SYT3: variants seen among roughly 807,000 people sequenced by gnomAD.
The protein encoded by SYT3 is synaptotagmin 3, also known as synaptotagmin-3.
A neutral mutation model predicts 50.6 loss-of-function variants in SYT3; 25 were observed. The ratio of observed to expected loss-of-function variants is 0.49; its 90% CI spans 0.36 to 0.69. The LOEUF (loss-of-function observed/expected upper bound fraction) is 0.69, where lower values mean the gene tolerates loss of function less well. Ranked by LOEUF, SYT3 falls within the 30% of genes least tolerant of loss-of-function variation. The probability of loss-of-function intolerance (pLI) is 0.00; values close to 1 mark genes in which losing one functional copy is unlikely to be tolerated. For synonymous variants in SYT3, 323 were observed against 353.9 expected (o/e 0.91, Z 0.98); for missense variants, 589 against 793.6 (o/e 0.74, Z 3.10).
Position 50,625,249 on chromosome 19 carries a change from G to T in SYT3, c.1620C>A (p.Asp540Glu), listed in dbSNP as rs1039630055. The change falls in exon 9 of 11, where the codon GAC becomes GAA. Residue 540 changes from aspartate to glutamate, a missense_variant. Transcript: ENST00000600079. This position sits in a 1 kb window ranked among gnomAD's most constrained non-coding sequence, Gnocchi z 7.5. ...GCTCGCGGCCGTGCGGGTCGGCAGCGTCGGGGCCCACACGGCACACGCCGA... is the reference window on the plus strand; with the variant it reads ...GCTCGCGGCCGTGCGGGTCGGCAGCTTCGGGGCCCACACGGCACACGCCGA... ...EVIGVCRVGP[D>E]AADPHGREHW... 6 of 1,562,706 alleles carry T rather than the reference G, an allele frequency of 3.8e-6. No individual in the cohort carries two copies. The East Asian group carries it at 1.2e-4, about 31-fold the overall frequency.
At chr19:50,626,176 T>G in intron 6 of SYT3, 159 bp from the exon 7 acceptor site, 8 of 1,152,568 alleles carry the variant, frequency 6.9e-6, no homozygotes, top group Non-Finnish European at 8.3e-6. Flanking sequence ...GGCCCAGTAA[T>G]TCCCTGGCCA....
intron 6 of SYT3, among the ~76,000 whole-genome samples, chr19:50,626,623 G>T (rs547683795): frequency 1.4e-5 from 2 of 147,028 alleles, no homozygotes; most frequent in South Asian, 4.5e-4. Flanking sequence ...CCAGAGAGAG[G>T]AGGACAGACC....
chr19:50,634,501 G>A (rs1265093580), intron 3 of SYT3, among the ~76,000 whole-genome samples: 1 of 151,870 alleles, frequency 6.6e-6, no homozygotes, highest in Admixed American at 6.6e-5. Flanking sequence ...AGAGGAAGTG[G>A]CCCTGCAGGG....
At chr19:50,641,433 T>C (rs1005182479), upstream of SYT3, among the ~76,000 whole-genome samples, 1 of 149,424 alleles carries the variant, frequency 6.7e-6, no homozygotes. Flanking sequence ...CCTCCCAAAG[T>C]GCTGGGATTA....
At chr19:50,631,163 CTTTCTT>C (rs1305561266) in intron 4 of SYT3, among the ~76,000 whole-genome samples, 6 of 142,310 alleles carry the variant, frequency 4.2e-5, no homozygotes, top group African/African-American at 5.2e-5. Context: ...TTTTTTCTTT[CTTTCTT>C]TTTTTTTTTT....
At chr19:50,623,596 G>A (rs1983927531) in intron 9 of SYT3, among the ~76,000 whole-genome samples, 1 of 120,692 alleles carries the variant, frequency 8.3e-6, no homozygotes, top group Middle Eastern at 4.9e-3. Context: ...GGACAACATG[G>A]CAAAACCCTG....
the SYT3 span, among the ~76,000 whole-genome samples, chr19:50,647,051 T>G: frequency 1.3e-5 from 2 of 152,026 alleles, no homozygotes; most frequent in Admixed American, 6.6e-5. Flanking sequence ...AGGATGGTCT[T>G]GATCTCCTGA....
chr19:50,649,628 T>TCC, the SYT3 span: 2 of 1,116,692 alleles, frequency 1.8e-6, no homozygotes, highest in Non-Finnish European at 2.6e-6. Flanking sequence ...GTGAAAGCCA[T>TCC]CCCTAGCATT....
the SYT3 span, chr19:50,658,025 G>A: frequency 6.5e-7 from 1 of 1,535,762 alleles, no homozygotes; most frequent in Non-Finnish European, 8.7e-7. Flanking sequence ...GGTGCTGCAA[G>A]CCCTGGAGGC....
At chr19:50,653,184 C>T in the SYT3 span, among the ~76,000 whole-genome samples, 6,726 of 152,030 alleles carry the variant, frequency 0.044, 288 homozygotes, top group African/African-American at 0.11. Flanking sequence ...ACTACAGGTG[C>T]GCGCTACCAT....
At chr19:50,653,678 GA>G in the SYT3 span, among the ~76,000 whole-genome samples, 1 of 130,028 alleles carries the variant, frequency 7.7e-6, no homozygotes, top group African/African-American at 2.9e-5. Context: ...TGTAATGAGA[GA>G]CAGCACACAC....
chr19:50,654,803 A>AT, the SYT3 span, among the ~76,000 whole-genome samples: 8,146 of 151,820 alleles, frequency 0.054, 244 homozygotes, highest in African/African-American at 0.081. Flanking sequence ...ATAATTAAAA[A>AT]TTTTTTTTTG....
At chr19:50,626,426 GAGAGAGGGAGACAGAGACCCAGAA>G (rs1391641810) in intron 6 of SYT3, among the ~76,000 whole-genome samples, 14 of 151,638 alleles carry the variant, frequency 9.2e-5, no homozygotes, top group African/African-American at 3.2e-4. Context: ...GAGAGACCCA[GAGAGAGGGAGACAGAGACCCAGAA>G]AGAGAGGGAG....
intron 9 of SYT3, among the ~76,000 whole-genome samples, chr19:50,624,518 G>C (rs866044266): frequency 3.2e-4 from 48 of 148,974 alleles, no homozygotes; most frequent in Non-Finnish European, 2.2e-4. Flanking sequence ...GGCCATGTTT[G>C]ATTATTTCTC....
In SYT3 at chr19:50,629,497, G is replaced by A. The variant is rs1344575627; in HGVS notation, c.1078C>T (p.Leu360=). Residue 360 remains leucine, a synonymous_variant, in exon 6 of 11, where the codon CTG becomes TTG. Transcript: ENST00000600079. ...AACGTCTCATTGAAGACGGGGTTCA[G>A]GGTCTTCCTGTGCACCTGGTGGTGG... ...KFQTKVHRKT[L]NPVFNETFQF... 6.2e-7 allele frequency: 1 copy of A among 1,613,630 alleles called. No homozygotes were observed. Among genetic ancestry groups the A allele is most frequent in the Non-Finnish European group, 8.5e-7 (1 of 1,179,774 alleles).
Sources: gnomAD v4.1 joint callset for allele counts (sites outside exome capture counted in the v4.1 genomes callset) on GRCh38, gnomAD v4.1.1 for gene constraint, Gnocchi (gnomAD v3.1) non-coding constraint, MANE v1.5 for transcripts, NCBI Gene and HGNC (gene_info 2026-07-23, HGNC 2026-07-21) for gene names.